The following MYO1B variants were observed in gnomAD, a reference collection of about 807,000 sequenced individuals.
MYO1B encodes unconventional myosin-Ib.
A neutral mutation model predicts 159.7 loss-of-function variants in MYO1B; 72 were observed. That is an observed-to-expected ratio of 0.45 (90% CI 0.37 to 0.55). MYO1B has a LOEUF of 0.55. MYO1B is among the 20% of genes least tolerant of loss of function. The pLI is 0.00. For synonymous variants in MYO1B, 468 were observed against 473.8 expected, an observed-to-expected ratio of 0.99 and a Z score of 0.16; for missense variants, 1,062 against 1,364.8, an observed-to-expected ratio of 0.78 and a Z score of 3.50.
intron 4 of MYO1B, among the ~76,000 whole-genome samples, chr2:191,331,517 A>G (rs1691473965): frequency 6.6e-6 from 1 of 152,210 alleles, no homozygotes; most frequent in South Asian, 2.1e-4. Context: ...CTACAGGACA[A>G]TCACTTAGTT....
intron 3 of MYO1B, among the ~76,000 whole-genome samples, chr2:191,314,824 C>T (rs1045840531): frequency 1.3e-5 from 2 of 152,116 alleles, no homozygotes; most frequent in Admixed American, 6.5e-5. Context: ...ATTGGGTTTT[C>T]GCAGGTGAGA....
intron 18 of MYO1B, among the ~76,000 whole-genome samples, chr2:191,390,909 T>C (rs942837677): frequency 2.0e-5 from 3 of 152,228 alleles, no homozygotes; most frequent in Non-Finnish European, 4.4e-5. Flanking sequence ...AGTTAATCAA[T>C]AGACGATACG....
rs755479318 is a variant in MYO1B at position 191,360,774 on chromosome 2, G to GTTGTTA, written c.661+50_661+51insATTGTT. ...TGGTGTTGTTGTTGTTGTTGTTGTT[G>GTTGTTA]TTGTTGTTGTTGTTGGAGCTGGGAG... On this transcript the variant is annotated intron_variant, in intron 8 of 30. Coordinates refer to ENST00000392318, the MANE Select transcript of MYO1B (RefSeq NM_001130158.3). The GTTGTTA allele has an allele frequency of 1.5e-5, 20 of 1,343,090 alleles. No individual in the cohort carries two copies. The African/African-American group carries it at 2.3e-4, about 16-fold the overall frequency. The allele number at this position is 1,343,090 out of a possible 1,614,324, so 83.2% of individuals were successfully genotyped here.
At chr2:191,421,870 CATACAAGTAT>C (rs1368772796) in intron 30 of MYO1B, among the ~76,000 whole-genome samples, 1 of 152,214 alleles carries the variant, frequency 6.6e-6, no homozygotes, top group East Asian at 1.9e-4. Flanking sequence ...GAGACACATA[CATACAAGTAT>C]ATATGCCAGA....
intron 21 of MYO1B, among the ~76,000 whole-genome samples, chr2:191,397,474 A>G (rs1393605290): frequency 1.3e-5 from 2 of 152,102 alleles, no homozygotes; most frequent in Non-Finnish European, 2.9e-5. Context: ...CCCTGAGTGG[A>G]CACAGCACAC....
At position 191,329,939 on chromosome 2, in the gene MYO1B, G is replaced by T. The variant is rs1456538068; in HGVS notation, c.256G>T (p.Ala86Ser). 5.6e-6 allele frequency: 9 copies of T among 1,609,538 alleles called. No homozygotes were observed. Among genetic ancestry groups the T allele is most frequent in the Non-Finnish European group, 7.6e-6 (9 of 1,177,552 alleles). Residue 86 changes from alanine to serine, a missense_variant, in exon 4 of 31, where the codon GCC becomes TCC. Transcript: ENST00000392318. ...TTTTTCCATTATCCCCTGCAGCTTT[G>T]CCCTTTCGGATGAAGCATACAGATC... ...NFYELSPHIF[A>S]LSDEAYRSLR...
At chr2:191,303,903 C>G (rs13010441) in intron 3 of MYO1B, among the ~76,000 whole-genome samples, 54,291 of 152,010 alleles carry the variant, frequency 0.36, 10,161 homozygotes, top group Middle Eastern at 0.52. Context: ...AAATAAACAT[C>G]TCGTGTGTAA....
chr2:191,329,429 T>C (rs982714604), intron 3 of MYO1B, among the ~76,000 whole-genome samples: 3 of 151,956 alleles, frequency 2.0e-5, no homozygotes, highest in Admixed American at 6.6e-5. Context: ...AAGATTTTTT[T>C]CCCTCATATT....
At chr2:191,369,181 C>T (rs935107448) in intron 11 of MYO1B, among the ~76,000 whole-genome samples, 5 of 152,188 alleles carry the variant, frequency 3.3e-5, no homozygotes, top group African/African-American at 1.2e-4. Flanking sequence ...ATAACCATCA[C>T]TCTCTGATGA....
chr2:191,327,393 C>G (rs1177162586), intron 3 of MYO1B, among the ~76,000 whole-genome samples: 1 of 152,206 alleles, frequency 6.6e-6, no homozygotes, highest in African/African-American at 2.4e-5. Flanking sequence ...CAAAGATTTT[C>G]TGACATTTAT....
intron 3 of MYO1B, among the ~76,000 whole-genome samples, chr2:191,323,438 A>G (rs962455927): frequency 2.0e-5 from 3 of 152,166 alleles, no homozygotes; most frequent in African/African-American, 4.8e-5. Flanking sequence ...AAAACATCGT[A>G]ACACATGTGA....
intron 19 of MYO1B, among the ~76,000 whole-genome samples, chr2:191,392,483 GC>G (rs1419809712): frequency 1.3e-5 from 2 of 152,172 alleles, no homozygotes; most frequent in African/African-American, 4.8e-5. Flanking sequence ...AACATTCATA[GC>G]AACTGCAGGT....
chr2:191,397,236 G>A (rs1422584974), intron 21 of MYO1B, among the ~76,000 whole-genome samples: 3 of 134,436 alleles, frequency 2.2e-5, no homozygotes, highest in East Asian at 2.2e-4. Flanking sequence ...GGTGTTTCTC[G>A]CAGAGGGGGA....
intron 23 of MYO1B, among the ~76,000 whole-genome samples, chr2:191,401,067 T>C (rs1247807512): frequency 6.6e-6 from 1 of 152,196 alleles, no homozygotes; most frequent in Non-Finnish European, 1.5e-5. Context: ...CTAGTATCAT[T>C]GCTCTTTAAA....
intron 13 of MYO1B, among the ~76,000 whole-genome samples, chr2:191,371,442 G>C (rs73984107): frequency 0.061 from 9,339 of 152,206 alleles, 673 homozygotes; most frequent in African/African-American, 0.18. Context: ...AAGCACTGTG[G>C]TAAGTGGTGT....
rs1194534321 is a variant in MYO1B, at chr2:191,350,224, CTG to C, written c.562+2_562+3del. 6.2e-7 allele frequency: 1 copy of C among 1,610,068 alleles called. No homozygotes were observed. Among genetic ancestry groups the C allele is most frequent in the Non-Finnish European group, 8.5e-7 (1 of 1,176,840 alleles). ...ATCCACTAGGAGGAGTAATAAGTAA[CTG>C]TGAGTATTTTTCTTCAGTCCTTGTA... is the stretch of plus-strand genomic sequence containing the variant. On this transcript the variant is annotated splice_donor_variant and coding_sequence_variant, in exon 7 of 31. Transcript: ENST00000392318. LOFTEE classifies it high-confidence loss of function.
chr2:191,250,557 T>C (rs1443148133), intron 1 of MYO1B, among the ~76,000 whole-genome samples: 1 of 152,180 alleles, frequency 6.6e-6, no homozygotes, highest in African/African-American at 2.4e-5. Context: ...AAAAGGCTCT[T>C]GTGGACAAGA....
chr2:191,393,242 T>C lies in MYO1B; in HGVS notation c.2226+20T>C. The C allele has an allele frequency of 6.2e-7, 1 of 1,612,408 alleles. No individual in the cohort carries two copies. The highest frequency in any genetic ancestry group is 8.5e-7 in the Non-Finnish European group (1 of 1,178,812). On this transcript the variant is annotated intron_variant, in intron 20 of 30. Transcript: ENST00000392318. ...TATGCGGTAAGAGTCTCAGTCATTT[T>C]AAATCAGTAATAACAATGCTAATTT...
intron 3 of MYO1B, among the ~76,000 whole-genome samples, chr2:191,325,811 A>G (rs980537435): frequency 3.9e-5 from 6 of 152,118 alleles, no homozygotes; most frequent in African/African-American, 1.4e-4. Flanking sequence ...ACAATTGTGA[A>G]CATGCAACCC....
Sources: allele counts gnomAD v4.1 joint callset (sites outside exome capture counted in the v4.1 genomes callset), GRCh38; gene constraint gnomAD v4.1.1; transcripts MANE v1.5; gene names NCBI Gene and HGNC (gene_info 2026-07-23, HGNC 2026-07-21).